CNTNAP2: variants seen among roughly 807,000 people sequenced by gnomAD.
The protein encoded by CNTNAP2 is contactin associated protein 2.
CNTNAP2 carries 98 observed loss-of-function variants against 155.2 expected under a neutral mutation model. That is an observed-to-expected ratio of 0.63 (90% CI 0.54 to 0.75). The LOEUF is 0.75. CNTNAP2 is among the 30% of genes least tolerant of loss of function. CNTNAP2 has a pLI of 0.00. For missense variants in CNTNAP2, 1,727 were observed against 1,688.1 expected, an observed-to-expected ratio of 1.02 and a Z score of -0.40; for synonymous variants, 651 against 631.2, an observed-to-expected ratio of 1.03 and a Z score of -0.47.
intron 11 of CNTNAP2, among the ~76,000 whole-genome samples, chr7:147,549,430 T>C (rs748267602): frequency 1.3e-5 from 2 of 152,204 alleles, no homozygotes; most frequent in African/African-American, 2.4e-5. Flanking sequence ...GGAATTCTTG[T>C]GATTTTTGCA....
intron 9 of CNTNAP2, among the ~76,000 whole-genome samples, chr7:147,391,360 C>T (rs1312571773): frequency 6.6e-6 from 1 of 152,010 alleles, no homozygotes; most frequent in Non-Finnish European, 1.5e-5. Flanking sequence ...GTAAGTCATC[C>T]TTTTTTTATG....
intron 3 of CNTNAP2, among the ~76,000 whole-genome samples, chr7:147,015,716 GA>G (rs1798712856): frequency 6.6e-6 from 1 of 151,870 alleles, no homozygotes; most frequent in South Asian, 2.1e-4. Context: ...TTGAATTTAA[GA>G]AGGGTAAAAA....
At chr7:147,378,820 C>G (rs541541322) in intron 9 of CNTNAP2, among the ~76,000 whole-genome samples, 1 of 151,942 alleles carries the variant, frequency 6.6e-6, no homozygotes, top group Non-Finnish European at 1.5e-5. Context: ...CCTGGAGTAT[C>G]CATTTATTTC....
intron 13 of CNTNAP2, among the ~76,000 whole-genome samples, chr7:147,738,649 A>C (rs966909313): frequency 3.2e-5 from 3 of 94,242 alleles, no homozygotes; most frequent in African/African-American, 4.0e-5. Context: ...TGTAAACATA[A>C]CTTTTTTTTT....
At chr7:148,168,363 C>T (rs182343361) in intron 17 of CNTNAP2, among the ~76,000 whole-genome samples, 136 of 152,156 alleles carry the variant, frequency 8.9e-4, no homozygotes, top group African/African-American at 3.1e-3. Flanking sequence ...ACATATACAC[C>T]ATGGAATACT....
intron 9 of CNTNAP2, among the ~76,000 whole-genome samples, chr7:147,364,104 A>G (rs952986662): frequency 1.3e-5 from 2 of 152,190 alleles, no homozygotes; most frequent in African/African-American, 4.8e-5. Flanking sequence ...ATTTTAAGAT[A>G]TTATCTCTCA....
At chr7:146,929,290 C>T (rs188111409) in intron 3 of CNTNAP2, among the ~76,000 whole-genome samples, 9 of 152,314 alleles carry the variant, frequency 5.9e-5, no homozygotes, top group Non-Finnish European at 1.2e-4. Flanking sequence ...CGAAAATCCT[C>T]TGCTCTGCAG....
intron 4 of CNTNAP2, among the ~76,000 whole-genome samples, chr7:147,060,868 A>AAAAAG (rs112178941): frequency 6.6e-6 from 1 of 151,822 alleles, no homozygotes. Context: ...TGTCTCAAAA[A>AAAAAG]AAAAATAGAA....
intron 3 of CNTNAP2, among the ~76,000 whole-genome samples, chr7:147,009,419 C>A (rs184666406): frequency 3.9e-5 from 6 of 152,244 alleles, no homozygotes; most frequent in East Asian, 1.9e-4. Context: ...AGTTTGACAA[C>A]CGACAGTTTT....
At chr7:146,785,636 A>T (rs111441889) in intron 2 of CNTNAP2, among the ~76,000 whole-genome samples, 2 of 152,226 alleles carry the variant, frequency 1.3e-5, no homozygotes, top group Admixed American at 1.3e-4. Context: ...GTCGTAGCCA[A>T]TTGGAATCTA....
chr7:146,779,246 T>A (rs770739524), intron 2 of CNTNAP2, among the ~76,000 whole-genome samples: 11 of 152,212 alleles, frequency 7.2e-5, no homozygotes, highest in Non-Finnish European at 1.5e-4. Flanking sequence ...TTTTTCTTCC[T>A]AGTTACTAAA....
At chr7:146,447,051 C>T (rs74943717) in intron 1 of CNTNAP2, among the ~76,000 whole-genome samples, 4,716 of 152,028 alleles carry the variant, frequency 0.031, 185 homozygotes, top group African/African-American at 0.089. Flanking sequence ...AAATTCAAAA[C>T]AGTATCTTAG....
At chr7:146,923,872 G>A (rs1796554119) in intron 3 of CNTNAP2, among the ~76,000 whole-genome samples, 1 of 152,022 alleles carries the variant, frequency 6.6e-6, no homozygotes, top group Non-Finnish European at 1.5e-5. Context: ...TGTTAGAATT[G>A]AATATTCCTG....
intron 15 of CNTNAP2, among the ~76,000 whole-genome samples, chr7:147,995,791 G>A (rs1801794728): frequency 6.6e-6 from 1 of 152,094 alleles, no homozygotes; most frequent in South Asian, 2.1e-4. Context: ...GGGATTACAG[G>A]CATGAGCCAC....
intron 15 of CNTNAP2, among the ~76,000 whole-genome samples, chr7:148,104,327 T>C (rs1457690688): frequency 6.6e-6 from 1 of 152,214 alleles, no homozygotes; most frequent in Non-Finnish European, 1.5e-5. Context: ...ACCCTGGGTA[T>C]AGAGCAGTTT....
intron 13 of CNTNAP2, among the ~76,000 whole-genome samples, chr7:147,780,440 T>C (rs1689945348): frequency 6.6e-6 from 1 of 152,208 alleles, no homozygotes; most frequent in African/African-American, 2.4e-5. Flanking sequence ...AGAATATTTC[T>C]GAGGTCAGTA....
intron 17 of CNTNAP2, among the ~76,000 whole-genome samples, chr7:148,167,319 A>G (rs1805687374): frequency 6.6e-6 from 1 of 152,058 alleles, no homozygotes; most frequent in African/African-American, 2.4e-5. Flanking sequence ...TTGTATTTTC[A>G]GTAGAGAAGG....
chr7:146,840,037 T>A, intron 3 of CNTNAP2, 133 bp downstream of exon 3: 1 of 1,090,418 alleles, frequency 9.2e-7, no homozygotes, highest in South Asian at 1.4e-5. Flanking sequence ...TATTCATCAT[T>A]GTTGATGGAA....
chr7:146,545,555 T>C (rs1798016817), intron 1 of CNTNAP2, among the ~76,000 whole-genome samples: 1 of 151,816 alleles, frequency 6.6e-6, no homozygotes, highest in Admixed American at 6.6e-5. Flanking sequence ...TGTGTTCTTA[T>C]TGTCCAACTC....
Sources: allele counts gnomAD v4.1 joint callset (sites outside exome capture counted in the v4.1 genomes callset), GRCh38; gene constraint gnomAD v4.1.1; transcripts MANE v1.5; gene names NCBI Gene and HGNC (gene_info 2026-07-23, HGNC 2026-07-21).